The following ZNF578 variants were observed in gnomAD, a reference collection of about 807,000 sequenced individuals.
ZNF578 encodes the protein Putative chemokine-related protein B42.
ZNF578 carries 8 observed loss-of-function variants against 8.3 expected under a neutral mutation model. That is an observed-to-expected ratio of 0.96 (90% CI 0.56 to 1.74). The LOEUF is 1.74. ZNF578 is among the 40% of genes most tolerant of loss of function. The pLI, the probability that ZNF578 is intolerant of heterozygous loss-of-function variation, is 0.00. For missense variants in ZNF578, 726 were observed against 707.5 expected (o/e 1.03, Z -0.30); for synonymous variants, 206 against 232.2 (o/e 0.89, Z 1.03).
chr19:52,515,377 G>A lies in ZNF578; in HGVS notation c.*3223G>A, dbSNP rs1295178071. Among the ~76,000 whole-genome samples the A allele has an allele frequency of 6.6e-5, 10 of 152,166 alleles. No homozygotes were observed. The highest frequency in any genetic ancestry group is 1.4e-4 in the African/African-American group (6 of 41,438). On this transcript the variant is annotated 3_prime_UTR_variant, in exon 6 of 6. Coordinates refer to ENST00000421239, the MANE Select transcript of ZNF578 (RefSeq NM_001099694.2). Reference sequence around the variant, plus strand: ...GTTCACACTTCTGCATTTTATAAATGTTCCTGTGAGTTTTTTGTAAGGAAG... The same window carrying A: ...GTTCACACTTCTGCATTTTATAAATATTCCTGTGAGTTTTTTGTAAGGAAG...
chr19:52,500,128 T>A (rs943174177), intron 3 of ZNF578, among the ~76,000 whole-genome samples: 4 of 152,190 alleles, frequency 2.6e-5, no homozygotes, highest in Non-Finnish European at 5.9e-5. Flanking sequence ...CTTTGTGATC[T>A]CCCACAGCCC....
intron 3 of ZNF578, among the ~76,000 whole-genome samples, chr19:52,496,180 G>T (rs892087272): frequency 1.3e-5 from 2 of 150,308 alleles, no homozygotes; most frequent in African/African-American, 4.9e-5. Context: ...AACCACACCT[G>T]TCTGATTTTT....
At chr19:52,509,960 C>A (rs2059438746) in intron 5 of ZNF578, among the ~76,000 whole-genome samples, 1 of 151,486 alleles carries the variant, frequency 6.6e-6, no homozygotes, top group South Asian at 2.1e-4. Context: ...TGGCTCACTG[C>A]AACCTCTGCC....
chr19:52,462,556 C>T (rs2122771855), intron 2 of ZNF578, among the ~76,000 whole-genome samples: 1 of 152,290 alleles, frequency 6.6e-6, no homozygotes, highest in Admixed American at 6.5e-5. Flanking sequence ...ACCGTCATAG[C>T]AATTACCGCA....
At chr19:52,493,530 A>G (rs535520610) in intron 3 of ZNF578, among the ~76,000 whole-genome samples, 3 of 152,264 alleles carry the variant, frequency 2.0e-5, no homozygotes, top group South Asian at 2.1e-4. Context: ...CGAGGGAGAA[A>G]CACAGCAGGG....
At chr19:52,506,467 T>C (rs1318971478) in intron 5 of ZNF578, among the ~76,000 whole-genome samples, 1 of 110,516 alleles carries the variant, frequency 9.0e-6, no homozygotes, top group Non-Finnish European at 1.9e-5. Context: ...AGTTTCTTTT[T>C]TTTTTTTTTT....
intron 4 of ZNF578, among the ~76,000 whole-genome samples, chr19:52,502,277 G>C (rs1332702521): frequency 1.3e-5 from 2 of 152,214 alleles, no homozygotes; most frequent in African/African-American, 4.8e-5. Flanking sequence ...CCAGATTAGA[G>C]AAACTGCATA....
chr19:52,510,969 T>A lies in ZNF578; in HGVS notation c.588T>A (p.Ile196=). ...DASSISTSQR[I]SCRPETHTPN... ...CCTCAATTTCAACATCCCAAAGAAT[T>A]TCTTGTAGGCCTGAAACACATACTC... The change falls in exon 6 of 6, where the codon ATT becomes ATA. Residue 196 remains isoleucine, a synonymous_variant. Transcript: ENST00000421239. 6.2e-7 allele frequency: 1 copy of A among 1,614,154 alleles called. No individual in the cohort carries two copies. Among genetic ancestry groups the A allele is most frequent in the South Asian group, 1.1e-5 (1 of 91,082 alleles).
Position 52,459,831 on chromosome 19 carries a change from G to A in ZNF578, c.-122+2873G>A, listed in dbSNP as rs2059252250. Among the ~76,000 whole-genome samples the A allele has an allele frequency of 2.3e-5, 3 of 130,746 alleles. No individual in the cohort carries two copies. In the South Asian group the frequency reaches 8.3e-4, roughly 36 times the overall value. The allele number at this position is 130,746 out of a possible 152,430, so 85.8% of individuals were successfully genotyped here. On this transcript the variant is annotated intron_variant, in intron 2 of 5. Coordinates refer to ENST00000421239, the MANE Select transcript of ZNF578 (RefSeq NM_001099694.2). ...TACTCTGTCACCAGGCTGGAGTGCA[G>A]TGGTGCGATCTTGGCTCACTGCAAC...
At chr19:52,492,838 T>G (rs549592028) in intron 3 of ZNF578, 1 of 152,458 alleles carries the variant, frequency 6.6e-6, no homozygotes, top group South Asian at 2.1e-4. Flanking sequence ...GGCGTATCGC[T>G]TGGAGTGAAG....
rs2059243891 is a variant in ZNF578 at position 52,457,731 on chromosome 19, T to TA, written c.-122+774dup. 8 of 152,430 alleles carry TA rather than the reference T, an allele frequency of 5.2e-5. No homozygotes were observed. The South Asian group carries it at 1.7e-3, about 32-fold the overall frequency. 9.4% of individuals were successfully genotyped at this position (152,430 alleles called of 1,614,324 possible). On this transcript the variant is annotated intron_variant, in intron 2 of 5. Transcript: ENST00000421239. ...CATACATTTAGTCACAGAGGTCTTC[T>TA]ATGTTGATGATTGTTGTGGTGTGAG...
intron 2 of ZNF578, 109 bp downstream of exon 2, chr19:52,457,067 C>T (rs1011055192): frequency 1.3e-5 from 2 of 152,542 alleles, no homozygotes; most frequent in African/African-American, 4.8e-5. Flanking sequence ...GGCTTATAAC[C>T]TCCATAGCCC....
Position 52,491,381 on chromosome 19 carries a change from GA to G in ZNF578, c.-62del. On this transcript the variant is annotated 5_prime_UTR_variant, in exon 3 of 6. Transcript: ENST00000421239. ...GGAAGATTACTTGAGCCAGGGAGTT[GA>G]AGGCTGCAGTGAGCCCTGTTTTTGC... 9.6e-6 allele frequency: 2 copies of G among 209,088 alleles called. No homozygotes were observed. The highest frequency in any genetic ancestry group is 2.0e-5 in the Non-Finnish European group (2 of 101,568). The allele number at this position is 209,088 out of a possible 1,614,324, so 13.0% of individuals were successfully genotyped here. A position where few individuals can be genotyped will look rare whatever the true frequency, so the allele number is the denominator to read the frequency against.
At chr19:52,494,098 T>TGAG (rs1405368302) in intron 3 of ZNF578, among the ~76,000 whole-genome samples, 1 of 150,868 alleles carries the variant, frequency 6.6e-6, no homozygotes, top group African/African-American at 2.4e-5. Context: ...GGGTACAAAA[T>TGAG]GAGCAGAATC....
intron 3 of ZNF578, among the ~76,000 whole-genome samples, chr19:52,499,723 T>C (rs1051626851): frequency 9.4e-5 from 14 of 149,442 alleles, no homozygotes; most frequent in African/African-American, 3.0e-4. Flanking sequence ...TTCACTCTTA[T>C]GGCTGAGGCT....
chr19:52,481,994 A>G (rs1171859831), intron 2 of ZNF578, among the ~76,000 whole-genome samples: 5 of 151,946 alleles, frequency 3.3e-5, no homozygotes, highest in Non-Finnish European at 5.9e-5. Context: ...TGGCCTCCAA[A>G]ATTACTGGTA....
chr19:52,464,389 G>C (rs1332430870), intron 2 of ZNF578, among the ~76,000 whole-genome samples: 1 of 152,182 alleles, frequency 6.6e-6, no homozygotes, highest in East Asian at 1.9e-4. Flanking sequence ...CATAGCATAA[G>C]TAGCAATTCC....
Position 52,510,665 on chromosome 19 carries a change from G to C in ZNF578, c.284G>C (p.Ser95Thr). 6.2e-7 allele frequency: 1 copy of C among 1,613,076 alleles called. No individual in the cohort carries two copies. The highest frequency in any genetic ancestry group is 8.5e-7 in the Non-Finnish European group (1 of 1,179,588). The change falls in exon 6 of 6, where the codon AGT (serine) becomes ACT (threonine). Residue 95 changes from serine (S) to threonine (T), a missense_variant. Transcript: ENST00000421239. Reference protein sequence around the residue: ...IHTGMLQRHESYHTGDFCFQE... With the variant: ...IHTGMLQRHETYHTGDFCFQE... Reference sequence around the variant, plus strand: ...ACAGGGATGTTGCAAAGACATGAAAGTTATCACACTGGAGATTTTTGCTTC... The same window carrying C: ...ACAGGGATGTTGCAAAGACATGAAACTTATCACACTGGAGATTTTTGCTTC...
At chr19:52,473,834 T>G (rs2059299678) in intron 2 of ZNF578, 1 of 320,288 alleles carries the variant, frequency 3.1e-6, no homozygotes, top group South Asian at 7.4e-5. Flanking sequence ...CTCTCCTGTA[T>G]GAATTCTCCA....
Sources: allele counts gnomAD v4.1 joint callset (sites outside exome capture counted in the v4.1 genomes callset), GRCh38; gene constraint gnomAD v4.1.1; transcripts MANE v1.5; gene names NCBI Gene and HGNC (gene_info 2026-07-23, HGNC 2026-07-21).